AFF1: variants seen among roughly 807,000 people sequenced by gnomAD.
AFF1 encodes the protein AF4/FMR2 family member 1.
In AFF1, 48 loss-of-function variants were observed where a neutral mutation model predicts 121.7. That is an observed-to-expected ratio of 0.39 (90% CI 0.31 to 0.50). The LOEUF (loss-of-function observed/expected upper bound fraction) is 0.50. Ranked by LOEUF, AFF1 falls within the 20% of genes least tolerant of loss-of-function variation. The pLI is 0.76. For missense variants in AFF1, 1,523 were observed against 1,511.7 expected (o/e 1.01, Z -0.12); for synonymous variants, 613 against 563.0 (o/e 1.09, Z -1.26).
intron 4 of AFF1, among the ~76,000 whole-genome samples, chr4:87,082,647 TC>T (rs1336260790): frequency 6.6e-6 from 1 of 152,216 alleles, no homozygotes; most frequent in Non-Finnish European, 1.5e-5. Flanking sequence ...CAGGCTGCTC[TC>T]AGACTCCTGG....
intron 2 of AFF1, among the ~76,000 whole-genome samples, chr4:86,980,962 C>CA (rs1553912246): frequency 3.4e-5 from 5 of 146,164 alleles, no homozygotes; most frequent in Non-Finnish European, 6.1e-5. Flanking sequence ...CCCCCTCCAC[C>CA]AAAAAAAAGG....
chr4:87,105,760 T>G, intron 9 of AFF1, 48 bp from the exon 10 acceptor site: 1 of 1,613,906 alleles, frequency 6.2e-7, no homozygotes, highest in Non-Finnish European at 8.5e-7. Context: ...TTCTAACCTG[T>G]TTTTTGTTCT....
chr4:87,058,232 C>T (rs905089070), intron 4 of AFF1, among the ~76,000 whole-genome samples: 9 of 152,092 alleles, frequency 5.9e-5, no homozygotes, highest in East Asian at 1.9e-4. Flanking sequence ...CTAGTTCCAG[C>T]GCTCCATCTG....
intron 2 of AFF1, among the ~76,000 whole-genome samples, chr4:87,038,994 TG>T (rs1457036533): frequency 6.6e-6 from 1 of 152,158 alleles, no homozygotes. Context: ...GGCCGTGAGT[TG>T]CCATGGAAGC....
In AFF1 at chr4:87,089,999, T is replaced by C. The variant is rs774637647; in HGVS notation, c.1120T>C (p.Trp374Arg). 1 of 1,613,838 alleles carries C rather than the reference T, an allele frequency of 6.2e-7. No homozygotes were observed. The highest frequency in any genetic ancestry group is 1.1e-5 in the South Asian group (1 of 91,094). ...ATCTTTCCAGGAAATGACCCATTCA[T>C]GGCCGCCTCCTTTGACAGCAATACA... ...EEILKEMTHSWPPPLTAIHTP... is the reference protein window; with the variant it reads ...EEILKEMTHSRPPPLTAIHTP... The change falls in exon 6 of 21, where the codon TGG becomes CGG. Residue 374 changes from tryptophan to arginine, a missense_variant. Physicochemically the swap from Trp to Arg is moderately radical, Grantham distance 101 (BLOSUM62 -3). Around this residue, in one of 5 missense-constraint regions of AFF1, gnomAD observed 905 missense variants for 842.5 expected, o/e 1.07. Transcript: ENST00000395146.
intron 2 of AFF1, among the ~76,000 whole-genome samples, chr4:87,034,195 G>A (rs1339966024): frequency 6.6e-6 from 1 of 152,200 alleles, no homozygotes; most frequent in Non-Finnish European, 1.5e-5. Context: ...ATGCAAACGG[G>A]GATTAGCGAT....
At chr4:87,126,381 G>A in intron 14 of AFF1, 45 bp downstream of exon 14, 1 of 1,550,820 alleles carries the variant, frequency 6.4e-7, no homozygotes, top group Non-Finnish European at 8.9e-7. Context: ...ATGCATTGCT[G>A]TACCTTTACG....
At chr4:87,060,940 T>G (rs1456430418) in intron 4 of AFF1, among the ~76,000 whole-genome samples, 1 of 151,770 alleles carries the variant, frequency 6.6e-6, no homozygotes, top group African/African-American at 2.4e-5. Flanking sequence ...GGGCTTAATT[T>G]TCTAGTAGAT....
intron 2 of AFF1, among the ~76,000 whole-genome samples, chr4:86,996,343 G>A (rs373724085): frequency 1.8e-4 from 28 of 152,066 alleles, no homozygotes; most frequent in South Asian, 6.2e-4. Flanking sequence ...TGTAGAAAGA[G>A]GTAGACATGG....
chr4:87,032,789 A>AT (rs1388722735), intron 2 of AFF1, among the ~76,000 whole-genome samples: 6 of 151,480 alleles, frequency 4.0e-5, no homozygotes, highest in South Asian at 2.1e-4. Flanking sequence ...GAGCCCTACA[A>AT]TTTTTTTTTG....
At chr4:87,042,797 A>G (rs769710765) in intron 2 of AFF1, among the ~76,000 whole-genome samples, 3 of 152,224 alleles carry the variant, frequency 2.0e-5, no homozygotes, top group Admixed American at 1.3e-4. Flanking sequence ...CATAGTAATA[A>G]ACCAGTGTTA....
rs114618950 is a variant in AFF1 at position 86,943,334 on chromosome 4, C to T, written c.-36-5164C>T. 2.7e-3 allele frequency among the ~76,000 whole-genome samples: 404 copies of T among 150,078 alleles called. 1 individual carries two copies. The highest frequency in any genetic ancestry group is 9.7e-3 in the African/African-American group (394 of 40,558). ...TGATCTCTCCCAGGGGTAGATCTCT[C>T]TACTAGGGGTAGAGTTCTAGAGAAT... On this transcript the variant is annotated intron_variant, in intron 1 of 20. Coordinates refer to ENST00000395146, the MANE Select transcript of AFF1 (RefSeq NM_001166693.3).
intron 2 of AFF1, among the ~76,000 whole-genome samples, chr4:86,992,463 A>G (rs911810238): frequency 6.6e-6 from 1 of 152,200 alleles, no homozygotes; most frequent in African/African-American, 2.4e-5. Flanking sequence ...AACCACGTGT[A>G]CTGAGGGAAC....
chr4:87,038,046 G>A (rs987914576), intron 2 of AFF1, among the ~76,000 whole-genome samples: 2 of 152,192 alleles, frequency 1.3e-5, no homozygotes, highest in Non-Finnish European at 2.9e-5. Flanking sequence ...AGCAGAGAGT[G>A]CTAATGCATT....
At position 87,091,628 on chromosome 4, in the gene AFF1, G is replaced by C. The variant is rs776315987; in HGVS notation, c.1192-165G>C. Reference sequence around the variant, plus strand: ...TGCAAGTCATAATGAAATAATTATAGAATCTGTGATGGGTAGTATGGGTAT... The same window carrying C: ...TGCAAGTCATAATGAAATAATTATACAATCTGTGATGGGTAGTATGGGTAT... On this transcript the variant is annotated intron_variant, in intron 6 of 20. Coordinates refer to ENST00000395146, the MANE Select transcript of AFF1 (RefSeq NM_001166693.3). 1.1e-4 allele frequency among the ~76,000 whole-genome samples: 17 copies of C among 152,282 alleles called. No homozygotes were observed. In the Middle Eastern group the frequency reaches 0.01, roughly 91 times the overall value.
chr4:87,091,782 T>A lies in AFF1; in HGVS notation c.1192-11T>A. 1 of 1,514,676 alleles carries A rather than the reference T, an allele frequency of 6.6e-7. No individual in the cohort carries two copies. Among genetic ancestry groups the A allele is most frequent in the South Asian group, 1.3e-5 (1 of 79,018 alleles). 93.8% of individuals were successfully genotyped at this position (1,514,676 alleles called of 1,614,324 possible). On this transcript the variant is annotated splice_polypyrimidine_tract_variant and intron_variant, in intron 6 of 20. Coordinates refer to ENST00000395146, the MANE Select transcript of AFF1 (RefSeq NM_001166693.3). ...TCTTTTAATAATTAGATATTTTTAT[T>A]TTCTTTCTAGGACTCTCAGCATGTC... is the stretch of plus-strand genomic sequence containing the variant.
chr4:87,062,529 A>G (rs1220369243), intron 4 of AFF1, among the ~76,000 whole-genome samples: 2 of 143,952 alleles, frequency 1.4e-5, no homozygotes, highest in Non-Finnish European at 2.9e-5. Context: ...GCTGTAAAAT[A>G]TATGTTTTTT....
chr4:86,998,330 C>G (rs1422639290), intron 2 of AFF1, among the ~76,000 whole-genome samples: 1 of 152,164 alleles, frequency 6.6e-6, no homozygotes, highest in Non-Finnish European at 1.5e-5. Context: ...AGCATTCTTG[C>G]ATGGAGAAGT....
intron 5 of AFF1, among the ~76,000 whole-genome samples, chr4:87,088,033 T>G (rs186480734): frequency 6.6e-6 from 1 of 152,380 alleles, no homozygotes; most frequent in African/African-American, 2.4e-5. Context: ...CTGTGCAGTA[T>G]TCATTCAGTA....
Sources: gnomAD v4.1 joint callset for allele counts (sites outside exome capture counted in the v4.1 genomes callset) on GRCh38, gnomAD v4.1.1 for gene constraint, gnomAD v4.1.1 regional missense constraint, MANE v1.5 for transcripts, NCBI Gene and HGNC (gene_info 2026-07-23, HGNC 2026-07-21) for gene names.